Variants in GLB1 observed in about 807,000 individuals in gnomAD.
GLB1 encodes the protein beta-galactosidase.
Under a neutral mutation model 74.0 loss-of-function variants are expected in GLB1, and 56 were observed. The ratio of observed to expected loss-of-function variants is 0.76; its 90% CI spans 0.61 to 0.94. GLB1 has a LOEUF of 0.94. Among genes scored for constraint, GLB1 ranks in the 40% least tolerant of loss-of-function variants. GLB1 has a pLI of 0.00. For synonymous variants in GLB1, 323 were observed against 323.6 expected, an observed-to-expected ratio of 1.00 and a Z score of 0.02; for missense variants, 787 against 845.5, an observed-to-expected ratio of 0.93 and a Z score of 0.86.
chr3:32,973,933 A>C, the GLB1 span, among the ~76,000 whole-genome samples: 2 of 152,236 alleles, frequency 1.3e-5, no homozygotes, highest in East Asian at 3.9e-4. Context: ...AGCTGCCAGG[A>C]GCTCAGATCC....
In GLB1 at chr3:33,066,105, G is replaced by A. The variant is rs78162127; in HGVS notation, c.458-548C>T. Among the ~76,000 whole-genome samples the A allele has an allele frequency of 6.3e-3, 953 of 152,222 alleles. 15 individuals carry two copies. Among genetic ancestry groups the A allele is most frequent in the African/African-American group, 0.022 (895 of 41,540 alleles). On this transcript the variant is annotated intron_variant, in intron 4 of 15. Coordinates refer to ENST00000307363, the MANE Select transcript of GLB1 (RefSeq NM_000404.4). The stretch of plus-strand genomic sequence containing the variant: ...CTGAAGTAAAAGTCTCATAAAAGTT[G>A]TCCTGCATGTAGTTGTCTCCTCAGC...
In GLB1 at chr3:33,074,389, G is replaced by GAAAGAAAGAAAGA. The variant is rs1559412979; in HGVS notation, c.76-1677_76-1676insTCTTTCTTTCTTT. On this transcript the variant is annotated intron_variant, in intron 1 of 15. Transcript: ENST00000307363. ...GGAAGGAAGGAAGGAAGGAAGGAAG[G>GAAAGAAAGAAAGA]AAGAAAGAAAGAAAGAAAGAATATT... Among the ~76,000 whole-genome samples the GAAAGAAAGAAAGA allele has an allele frequency of 1.4e-3, 54 of 38,910 alleles. 10 individuals are homozygous for GAAAGAAAGAAAGA. Among genetic ancestry groups the GAAAGAAAGAAAGA allele is most frequent in the South Asian group, 8.6e-3 (7 of 814 alleles). 25.5% of individuals were successfully genotyped at this position (38,910 alleles called of 152,430 possible). A position where few individuals can be genotyped will look rare whatever the true frequency, so the allele number is the denominator to read the frequency against.
intron 9 of GLB1, among the ~76,000 whole-genome samples, chr3:33,050,968 C>G (rs1003889212): frequency 5.9e-5 from 9 of 152,296 alleles, no homozygotes; most frequent in African/African-American, 1.9e-4. Context: ...GTGGCTCACG[C>G]CTGTAATCCC....
rs534590871 is a variant in GLB1 at position 33,027,771 on chromosome 3, G to C, written c.1069-3446C>G. On this transcript the variant is annotated intron_variant, in intron 10 of 15. Transcript: ENST00000307363. The stretch of plus-strand genomic sequence containing the variant: ...CACTCCAGCCTGGGTGACAGAGTGA[G>C]ATTCTATCTCAAAAAATAAAATATA... Among the ~76,000 whole-genome samples the C allele has an allele frequency of 2.0e-5, 3 of 152,164 alleles. No individual in the cohort carries two copies. The South Asian group carries it at 6.2e-4, about 32-fold the overall frequency.
rs764118047 is a variant in GLB1 at position 33,093,286 on chromosome 3, T to C, written c.75+3725A>G. The stretch of plus-strand genomic sequence containing the variant: ...GCCCGTGTGGCGGAAATCTTCACGT[T>C]CTCATTATGAAGAGGCTGGACATGC... On this transcript the variant is annotated intron_variant, in intron 1 of 15. Transcript: ENST00000307363. This position sits in a 1 kb window ranked among gnomAD's most constrained non-coding sequence, Gnocchi z 6.0. 6.2e-7 allele frequency: 1 copy of C among 1,614,104 alleles called. No homozygotes were observed. Among genetic ancestry groups the C allele is most frequent in the Non-Finnish European group, 8.5e-7 (1 of 1,180,018 alleles).
chr3:32,974,575 T>C, the GLB1 span, among the ~76,000 whole-genome samples: 5 of 152,170 alleles, frequency 3.3e-5, no homozygotes, highest in African/African-American at 4.8e-5. Context: ...AGGTCTGCAG[T>C]TGCCAAGCTG....
rs374547468 is a variant in GLB1 at position 33,016,758 on chromosome 3, A to G, written c.1430T>C (p.Val477Ala). ...ATAGTTCACACGTCCCATGTTCTCT[A>G]CCAGAAGGTCCAGAGTGGCTCCAGC... is the stretch of plus-strand genomic sequence containing the variant. ...GKAGATLDLLVENMGRVNYGA... is the reference protein window; with the variant it reads ...GKAGATLDLLAENMGRVNYGA... The change falls in exon 14 of 16, where the codon GTA becomes GCA. Residue 477 changes from valine (V) to alanine (A), a missense_variant. By Grantham distance (64) the Val-to-Ala change is moderately conservative (BLOSUM62 0). Coordinates refer to ENST00000307363, the MANE Select transcript of GLB1 (RefSeq NM_000404.4). 19 of 1,613,962 alleles carry G rather than the reference A, an allele frequency of 1.2e-5. No homozygotes were observed. The highest frequency in any genetic ancestry group is 8.5e-6 in the Non-Finnish European group (10 of 1,180,004).
chr3:33,073,025 TCA>T (rs369532702), intron 1 of GLB1, among the ~76,000 whole-genome samples: 3 of 151,692 alleles, frequency 2.0e-5, no homozygotes, highest in Non-Finnish European at 4.4e-5. Flanking sequence ...CTGGGGAACA[TCA>T]CACACACACA....
At chr3:33,089,406 T>A (rs932478466) in intron 1 of GLB1, among the ~76,000 whole-genome samples, 1 of 152,074 alleles carries the variant, frequency 6.6e-6, no homozygotes, top group South Asian at 2.1e-4. Flanking sequence ...TATAAAGAAC[T>A]CCTACATCTC....
intron 15 of GLB1, among the ~76,000 whole-genome samples, chr3:33,003,950 A>C (rs1696681696): frequency 6.6e-6 from 1 of 152,078 alleles, no homozygotes; most frequent in African/African-American, 2.4e-5. Flanking sequence ...GAATCGCTTG[A>C]ACCTGGGAGG....
intron 14 of GLB1, among the ~76,000 whole-genome samples, chr3:33,014,774 C>A (rs563593798): frequency 2.0e-5 from 3 of 152,166 alleles, no homozygotes; most frequent in Non-Finnish European, 4.4e-5. Context: ...CAAGACCAAC[C>A]TGGCCAACAT....
intron 10 of GLB1, among the ~76,000 whole-genome samples, chr3:33,040,070 C>T (rs774039823): frequency 2.6e-5 from 4 of 152,142 alleles, no homozygotes; most frequent in Non-Finnish European, 5.9e-5. Context: ...GTTCCTAGAT[C>T]CTTTACCCTC....
At chr3:33,033,778 C>CAA (rs60962107) in intron 10 of GLB1, 684 of 180,768 alleles carry the variant, frequency 3.8e-3, no homozygotes, top group African/African-American at 6.2e-3. Context: ...GAGACTGTCT[C>CAA]AAAAAAAAAA....
intron 15 of GLB1, among the ~76,000 whole-genome samples, chr3:32,999,436 C>T (rs1244123934): frequency 6.6e-6 from 1 of 152,132 alleles, no homozygotes; most frequent in Non-Finnish European, 1.5e-5. Context: ...AGGACACAGG[C>T]CAAGCCAACT....
In GLB1 at chr3:33,093,038, C is replaced by G. The variant is rs1180220960; in HGVS notation, c.75+3973G>C. ...CAGCATGTGTGTGCCCAGAAAGGAT[C>G]AGGTTAATATCTGGCCGAGCCTGGA... On this transcript the variant is annotated intron_variant, in intron 1 of 15. Transcript: ENST00000307363. The surrounding 1 kb of genome is among the most constrained non-coding windows in gnomAD (Gnocchi z 6.0). The G allele has an allele frequency of 6.2e-7, 1 of 1,614,192 alleles. No homozygotes were observed. Among genetic ancestry groups the G allele is most frequent in the East Asian group, 2.2e-5 (1 of 44,878 alleles).
chr3:33,004,912 T>C (rs1216011037), intron 15 of GLB1, among the ~76,000 whole-genome samples: 1 of 152,022 alleles, frequency 6.6e-6, no homozygotes, highest in Non-Finnish European at 1.5e-5. Flanking sequence ...GAAAAGGAAA[T>C]GTAAGCATGT....
At chr3:33,005,550 T>G (rs1471744576) in intron 15 of GLB1, among the ~76,000 whole-genome samples, 1 of 152,082 alleles carries the variant, frequency 6.6e-6, no homozygotes, top group African/African-American at 2.4e-5. Flanking sequence ...TACATACTCT[T>G]TTCTGGCATA....
intron 15 of GLB1, among the ~76,000 whole-genome samples, chr3:33,004,103 C>T (rs1696691353): frequency 6.6e-6 from 1 of 152,094 alleles, no homozygotes; most frequent in Non-Finnish European, 1.5e-5. Flanking sequence ...TTTGGCCAAA[C>T]AACGTGGAAG....
At chr3:33,080,205 G>C (rs1400951233) in intron 1 of GLB1, among the ~76,000 whole-genome samples, 1 of 152,042 alleles carries the variant, frequency 6.6e-6, no homozygotes, top group Non-Finnish European at 1.5e-5. Flanking sequence ...CCCAGTTCAA[G>C]CAATTCTCCT....
Sources: gnomAD v4.1 joint callset for allele counts (sites outside exome capture counted in the v4.1 genomes callset) on GRCh38, gnomAD v4.1.1 for gene constraint, Gnocchi (gnomAD v3.1) non-coding constraint, MANE v1.5 for transcripts, NCBI Gene and HGNC (gene_info 2026-07-23, HGNC 2026-07-21) for gene names.